CD247: variants seen among roughly 807,000 people sequenced by gnomAD.
CD247 encodes CD247 molecule, also known as T-cell surface glycoprotein CD3 zeta chain.
A neutral mutation model predicts 30.0 loss-of-function variants in CD247; 13 were observed. That is an observed-to-expected ratio of 0.43 (90% CI 0.28 to 0.69). CD247 has a LOEUF of 0.69. Among genes scored for constraint, CD247 ranks in the 30% least tolerant of loss-of-function variants. The pLI, the probability that CD247 is intolerant of heterozygous loss-of-function variation, is 0.16. For synonymous variants in CD247, 72 were observed against 80.0 expected (o/e 0.90, Z 0.53); for missense variants, 193 against 212.6 (o/e 0.91, Z 0.57).
chr1:167,465,771 T>G (rs1227189362), intron 1 of CD247, among the ~76,000 whole-genome samples: 1 of 152,260 alleles, frequency 6.6e-6, no homozygotes, highest in Non-Finnish European at 1.5e-5. Context: ...TAGCCTAGGC[T>G]GCCAGACACT....
intron 1 of CD247, among the ~76,000 whole-genome samples, chr1:167,452,252 A>G (rs1198641333): frequency 6.6e-6 from 1 of 151,834 alleles, no homozygotes; most frequent in Admixed American, 6.6e-5. Context: ...AACAAAAACC[A>G]TCTCTAATAA....
At chr1:167,445,883 A>C (rs2102003191) in intron 1 of CD247, among the ~76,000 whole-genome samples, 1 of 152,264 alleles carries the variant, frequency 6.6e-6, no homozygotes, top group African/African-American at 2.4e-5. Flanking sequence ...CCAACTAATA[A>C]GGATTCTTCT....
In CD247 at chr1:167,494,928, G is replaced by A. The variant is rs1374796005; in HGVS notation, c.58+23480C>T. The stretch of plus-strand genomic sequence containing the variant: ...CAGAGAGCCCAGGTGACTTGCCTTG[G>A]CTGGGCTGGACTCTGTTCTCTCCCC... On this transcript the variant is annotated intron_variant, in intron 1 of 7. Transcript: ENST00000362089. This position sits in a 1 kb window ranked among gnomAD's most constrained non-coding sequence, Gnocchi z 7.3. Among the ~76,000 whole-genome samples, 1 of 152,164 alleles carries A rather than the reference G, an allele frequency of 6.6e-6. No individual in the cohort carries two copies. The highest frequency in any genetic ancestry group is 2.4e-5 in the African/African-American group (1 of 41,436).
chr1:167,484,754 C>T (rs762739515), intron 1 of CD247, among the ~76,000 whole-genome samples: 37 of 152,294 alleles, frequency 2.4e-4, no homozygotes, highest in Non-Finnish European at 3.1e-4. Context: ...TCCAGCCCGG[C>T]GACAGAGCGA....
chr1:167,514,238 G>A (rs913850191), intron 1 of CD247, among the ~76,000 whole-genome samples: 2 of 152,134 alleles, frequency 1.3e-5, no homozygotes, highest in Non-Finnish European at 2.9e-5. Context: ...CCGGGTTCAA[G>A]GGATTCTCCT....
intron 1 of CD247, among the ~76,000 whole-genome samples, chr1:167,481,484 G>T (rs1386556129): frequency 6.6e-6 from 1 of 152,158 alleles, no homozygotes; most frequent in East Asian, 1.9e-4. Flanking sequence ...GGGAGGATGG[G>T]TTCATACAAG....
intron 1 of CD247, among the ~76,000 whole-genome samples, chr1:167,476,150 G>C (rs1388162160): frequency 6.6e-6 from 1 of 152,208 alleles, no homozygotes; most frequent in Non-Finnish European, 1.5e-5. Context: ...AAGAAAAGCA[G>C]TTGGTGAGAA....
At chr1:167,449,087 G>A (rs1363012189) in intron 1 of CD247, among the ~76,000 whole-genome samples, 3 of 147,852 alleles carry the variant, frequency 2.0e-5, no homozygotes, top group Non-Finnish European at 4.5e-5. Context: ...TTCTCTTCTT[G>A]TATTTTTATT....
chr1:167,438,020 GAGGAAGGA>G lies in CD247; in HGVS notation c.300+542_300+549del, dbSNP rs57753052. On this transcript the variant is annotated intron_variant, in intron 4 of 7. Transcript: ENST00000362089. ...TGTCAATATAAAATAAATAAAGACA[GAGGAAGGA>G]AGGAAGGAAGGAAGGAAGGAAGGAA... is the stretch of plus-strand genomic sequence containing the variant. 3.9e-3 allele frequency among the ~76,000 whole-genome samples: 591 copies of G among 150,870 alleles called. 5 individuals are homozygous for G. The highest frequency in any genetic ancestry group is 0.013 in the African/African-American group (527 of 40,758).
intron 1 of CD247, among the ~76,000 whole-genome samples, chr1:167,504,675 G>A (rs1224853593): frequency 6.6e-6 from 1 of 152,206 alleles, no homozygotes; most frequent in South Asian, 2.1e-4. Flanking sequence ...CAGAGAAGCA[G>A]AGATGCCATT....
At chr1:167,506,213 T>G (rs766904203) in intron 1 of CD247, among the ~76,000 whole-genome samples, 39 of 141,152 alleles carry the variant, frequency 2.8e-4, no homozygotes, top group Non-Finnish European at 2.3e-4. Context: ...AGAGACGCCA[T>G]CTTTCTTTTT....
At chr1:167,501,053 CTTTTTTTTTTT>C (rs569489236) in intron 1 of CD247, among the ~76,000 whole-genome samples, 1 of 124,364 alleles carries the variant, frequency 8.0e-6, no homozygotes, top group Non-Finnish European at 1.7e-5. Flanking sequence ...TCCTATTGTT[CTTTTTTTTTTT>C]TTTTTTTTTG....
intron 4 of CD247, among the ~76,000 whole-genome samples, chr1:167,437,398 G>C (rs1240685114): frequency 9.5e-6 from 1 of 105,500 alleles, no homozygotes; most frequent in Admixed American, 1.1e-4. Context: ...AAAGCTAAAC[G>C]CTGTCTCAAA....
intron 1 of CD247, among the ~76,000 whole-genome samples, chr1:167,444,991 C>T (rs557544456): frequency 1.3e-5 from 2 of 151,594 alleles, no homozygotes; most frequent in Non-Finnish European, 2.9e-5. Context: ...AATGGCATGA[C>T]CTCAGCTCAC....
chr1:167,470,967 G>A (rs1352577777), intron 1 of CD247, among the ~76,000 whole-genome samples: 10 of 151,536 alleles, frequency 6.6e-5, no homozygotes, highest in Non-Finnish European at 1.2e-4. Flanking sequence ...CACCTCCTGG[G>A]TTCAAGCAAC....
chr1:167,499,198 G>A (rs1171959970), intron 1 of CD247, among the ~76,000 whole-genome samples: 1 of 152,152 alleles, frequency 6.6e-6, no homozygotes, highest in Non-Finnish European at 1.5e-5. Flanking sequence ...CACAACTTGG[G>A]GAGTGCTACT....
At chr1:167,432,737 T>G (rs967419456) in intron 7 of CD247, among the ~76,000 whole-genome samples, 1 of 152,242 alleles carries the variant, frequency 6.6e-6, no homozygotes, top group African/African-American at 2.4e-5. Context: ...TGCCTCCATC[T>G]GCATCGGCGG....
intron 4 of CD247, among the ~76,000 whole-genome samples, chr1:167,438,245 C>A (rs1403482020): frequency 2.0e-5 from 3 of 152,204 alleles, no homozygotes. Context: ...ACCTCTTCAC[C>A]AGGTCTGTCC....
intron 1 of CD247, among the ~76,000 whole-genome samples, chr1:167,496,427 C>T (rs532860549): frequency 6.6e-6 from 1 of 152,202 alleles, no homozygotes; most frequent in South Asian, 2.1e-4. Flanking sequence ...CTGCAACCCC[C>T]CTGCTCTTTG....
Sources: allele counts gnomAD v4.1 joint callset (sites outside exome capture counted in the v4.1 genomes callset), GRCh38; gene constraint gnomAD v4.1.1; non-coding constraint Gnocchi (gnomAD v3.1); transcripts MANE v1.5; gene names NCBI Gene and HGNC (gene_info 2026-07-23, HGNC 2026-07-21).